DTNB: variants seen among roughly 807,000 people sequenced by gnomAD.
DTNB encodes the protein dystrobrevin beta, also known as DTN-B.
Under a neutral mutation model 90.7 loss-of-function variants are expected in DTNB, and 63 were observed. The observed-to-expected ratio is 0.69, with a 90% CI of 0.57 to 0.86. DTNB has a LOEUF of 0.86. DTNB is among the 40% of genes least tolerant of loss of function. The pLI is 0.00. For missense variants in DTNB, 744 were observed against 807.1 expected (o/e 0.92, Z 0.95); for synonymous variants, 277 against 286.7 (o/e 0.97, Z 0.34).
intron 14 of DTNB, among the ~76,000 whole-genome samples, chr2:25,429,270 T>A (rs1481717752): frequency 2.0e-5 from 3 of 152,202 alleles, no homozygotes; most frequent in African/African-American, 2.4e-5. Context: ...ATGACGCCTA[T>A]TACTTTTTGG....
intron 16 of DTNB, among the ~76,000 whole-genome samples, chr2:25,406,619 T>A (rs1391286707): frequency 3.3e-5 from 5 of 151,770 alleles, no homozygotes; most frequent in African/African-American, 1.2e-4. Flanking sequence ...AAAACACATA[T>A]GTTTTTCTAT....
intron 16 of DTNB, among the ~76,000 whole-genome samples, chr2:25,412,872 G>A (rs1177772768): frequency 6.6e-6 from 1 of 152,134 alleles, no homozygotes; most frequent in Non-Finnish European, 1.5e-5. Flanking sequence ...AGGCCAGAGA[G>A]GCCCATAGCT....
chr2:25,523,038 T>C (rs2076430262), intron 9 of DTNB, among the ~76,000 whole-genome samples: 1 of 152,108 alleles, frequency 6.6e-6, no homozygotes, highest in Non-Finnish European at 1.5e-5. Context: ...AGACTTCGAT[T>C]TGTACTAATT....
chr2:25,393,094 T>A (rs1464436608), intron 16 of DTNB, among the ~76,000 whole-genome samples: 2 of 152,174 alleles, frequency 1.3e-5, no homozygotes, highest in African/African-American at 2.4e-5. Flanking sequence ...CGTAAGTCAA[T>A]AAATGTGATA....
chr2:25,392,288 T>G (rs1203982513), intron 16 of DTNB, among the ~76,000 whole-genome samples: 1 of 151,970 alleles, frequency 6.6e-6, no homozygotes, highest in Non-Finnish European at 1.5e-5. Context: ...CACGCACCTG[T>G]AATCCCAGCT....
intron 8 of DTNB, among the ~76,000 whole-genome samples, chr2:25,550,861 G>A (rs959800721): frequency 6.6e-6 from 1 of 152,124 alleles, no homozygotes; most frequent in Non-Finnish European, 1.5e-5. Flanking sequence ...TTTTGGCCAC[G>A]CTGGTCTCAA....
chr2:25,651,735 T>C (rs1002021697), intron 2 of DTNB, among the ~76,000 whole-genome samples: 1 of 152,152 alleles, frequency 6.6e-6, no homozygotes, highest in Admixed American at 6.5e-5. Flanking sequence ...CCCACTGATT[T>C]TCATATTGCG....
chr2:25,527,403 G>C (rs569597999), intron 9 of DTNB, among the ~76,000 whole-genome samples: 1 of 152,126 alleles, frequency 6.6e-6, no homozygotes, highest in African/African-American at 2.4e-5. Flanking sequence ...CATGCCTGTA[G>C]TCCCAGCTAC....
At chr2:25,616,322 TATA>T (rs199698196) in intron 4 of DTNB, among the ~76,000 whole-genome samples, 12 of 150,416 alleles carry the variant, frequency 8.0e-5, no homozygotes, top group African/African-American at 2.9e-4. Flanking sequence ...TTCTATATAT[TATA>T]ATAATTAGCA....
chr2:25,429,051 C>T (rs1298328566), intron 14 of DTNB, among the ~76,000 whole-genome samples: 2 of 152,194 alleles, frequency 1.3e-5, no homozygotes, highest in South Asian at 2.1e-4. Context: ...CTGTCTATCA[C>T]AGCAGCCGCT....
At chr2:25,524,701 C>G (rs2076770465) in intron 9 of DTNB, among the ~76,000 whole-genome samples, 1 of 152,094 alleles carries the variant, frequency 6.6e-6, no homozygotes, top group Admixed American at 6.5e-5. Flanking sequence ...ACGCTTTCTT[C>G]CCCTGCTGCA....
chr2:25,585,595 A>C (rs1250032090), intron 6 of DTNB, among the ~76,000 whole-genome samples: 1 of 152,230 alleles, frequency 6.6e-6, no homozygotes, highest in African/African-American at 2.4e-5. Flanking sequence ...ATAAAATAAC[A>C]TGAGAAAATA....
intron 19 of DTNB, among the ~76,000 whole-genome samples, chr2:25,383,285 G>A (rs769050640): frequency 1.2e-4 from 17 of 145,728 alleles, no homozygotes; most frequent in Non-Finnish European, 2.2e-4. Context: ...GTGTGATCTC[G>A]GCTCACTGCA....
At chr2:25,510,679 T>C (rs1384726184) in intron 9 of DTNB, among the ~76,000 whole-genome samples, 1 of 152,116 alleles carries the variant, frequency 6.6e-6, no homozygotes, top group Non-Finnish European at 1.5e-5. Flanking sequence ...AGCTAATTTT[T>C]GTATTTTTAG....
At chr2:25,641,313 C>T (rs1314724904) in intron 2 of DTNB, among the ~76,000 whole-genome samples, 1 of 152,186 alleles carries the variant, frequency 6.6e-6, no homozygotes, top group East Asian at 1.9e-4. Context: ...GCCTTAGAAT[C>T]TTATTAAAAT....
At chr2:25,483,927 T>G (rs1363081595) in intron 9 of DTNB, among the ~76,000 whole-genome samples, 1 of 152,230 alleles carries the variant, frequency 6.6e-6, no homozygotes, top group Non-Finnish European at 1.5e-5. Flanking sequence ...CTTTTCTATG[T>G]TTAGATACAT....
intron 10 of DTNB, among the ~76,000 whole-genome samples, chr2:25,462,583 G>T (rs1207305755): frequency 2.0e-5 from 3 of 152,146 alleles, no homozygotes; most frequent in African/African-American, 7.2e-5. Context: ...TAGACTGTTG[G>T]GAAGATTGGA....
At chr2:25,429,346 C>A (rs778253029) in intron 14 of DTNB, among the ~76,000 whole-genome samples, 14 of 152,092 alleles carry the variant, frequency 9.2e-5, no homozygotes, top group Non-Finnish European at 1.9e-4. Flanking sequence ...TCGGCGAGTG[C>A]GGCTCTAGAT....
chr2:25,465,156 C>T (rs1260149047), intron 10 of DTNB, among the ~76,000 whole-genome samples: 2 of 152,056 alleles, frequency 1.3e-5, no homozygotes, highest in Non-Finnish European at 2.9e-5. Context: ...AGGTGGATCA[C>T]CTGAGGTCAG....
Sources: allele counts gnomAD v4.1 joint callset (sites outside exome capture counted in the v4.1 genomes callset), GRCh38; gene constraint gnomAD v4.1.1; transcripts MANE v1.5; gene names NCBI Gene and HGNC (gene_info 2026-07-23, HGNC 2026-07-21).